The following TMEM120B variants were observed in gnomAD, a reference collection of about 807,000 sequenced individuals.
TMEM120B encodes transmembrane protein 120B.
Under a neutral mutation model 55.5 loss-of-function variants are expected in TMEM120B, and 31 were observed. The observed-to-expected ratio is 0.56, with a 90% CI of 0.42 to 0.75. The LOEUF is 0.75. Ranked by LOEUF, TMEM120B falls within the 30% of genes least tolerant of loss-of-function variation. The pLI, the probability that TMEM120B is intolerant of heterozygous loss-of-function variation, is 0.00. For missense variants in TMEM120B, 399 were observed against 425.5 expected (o/e 0.94, Z 0.55); for synonymous variants, 203 against 176.3 (o/e 1.15, Z -1.20).
At chr12:121,771,622 C>A in intron 8 of TMEM120B, 73 bp downstream of exon 8, 1 of 1,440,214 alleles carries the variant, frequency 6.9e-7, no homozygotes, top group Non-Finnish European at 9.8e-7. Flanking sequence ...AGGGCCCCAG[C>A]TGACATCAAT....
In TMEM120B at chr12:121,758,691, G is replaced by A. The variant is rs540802779; in HGVS notation, c.462-2958G>A. ...ATGGAGGAGGATGGCCTAGCTCCAC[G>A]CTGTGGTCACCATGGAGGAGGACGG... is the stretch of plus-strand genomic sequence containing the variant. On this transcript the variant is annotated intron_variant, in intron 5 of 11. Transcript: ENST00000449592. 833 of 979,716 alleles carry A rather than the reference G, an allele frequency of 8.5e-4. 5 individuals carry two copies. In the African/African-American group the frequency reaches 0.013, roughly 15 times the overall value. The allele number at this position is 979,716 out of a possible 1,614,324, so 60.7% of individuals were successfully genotyped here. A position where few individuals can be genotyped will look rare whatever the true frequency, so the allele number is the denominator to read the frequency against.
chr12:121,720,875 G>A (rs185619253), intron 1 of TMEM120B, among the ~76,000 whole-genome samples: 21 of 152,290 alleles, frequency 1.4e-4, no homozygotes, highest in Admixed American at 4.6e-4. Context: ...AATGCCGTGA[G>A]ATTCCTCTAG....
At chr12:121,760,832 C>A (rs1466899312) in intron 5 of TMEM120B, among the ~76,000 whole-genome samples, 1 of 152,170 alleles carries the variant, frequency 6.6e-6, no homozygotes, top group African/African-American at 2.4e-5. Context: ...GCTACCTACT[C>A]TAACTCTCTA....
rs781188748 is a variant in TMEM120B at position 121,748,306 on chromosome 12, G to T, written c.189-20G>T. 1 of 1,590,542 alleles carries T rather than the reference G, an allele frequency of 6.3e-7. No individual in the cohort carries two copies. Among genetic ancestry groups the T allele is most frequent in the African/African-American group, 1.3e-5 (1 of 74,596 alleles). ...CTCTGAGTGACGCCCCTTCCCCTGT[G>T]CCTGCATCTCTGTCCGCAGGTGCAA... On this transcript the variant is annotated intron_variant, in intron 2 of 11. Transcript: ENST00000449592.
Position 121,752,165 on chromosome 12 carries a change from T to C in TMEM120B, c.403T>C (p.Tyr135His). The change falls in exon 5 of 12, where the codon TAC (tyrosine) becomes CAC (histidine). Residue 135 changes from tyrosine (Y) to histidine (H), a missense_variant. Physicochemically the swap from Tyr to His is moderately conservative, Grantham distance 83. Around this residue, in one of 3 missense-constraint regions of TMEM120B, gnomAD observed 260 missense variants for 303.9 expected, o/e 0.86. Transcript: ENST00000449592. ...GGACGAATATGAGAAGTTCAAGCTC[T>C]ACCTGACCATCATCCTGCTCCTGGG... is the stretch of plus-strand genomic sequence containing the variant. ...YKDEYEKFKLYLTIILLLGAV... is the reference protein window; with the variant it reads ...YKDEYEKFKLHLTIILLLGAV... The C allele has an allele frequency of 6.2e-7, 1 of 1,613,744 alleles. No individual in the cohort carries two copies. The highest frequency in any genetic ancestry group is 8.5e-7 in the Non-Finnish European group (1 of 1,179,932).
intron 1 of TMEM120B, among the ~76,000 whole-genome samples, chr12:121,736,981 T>C (rs934351942): frequency 1.3e-5 from 2 of 152,184 alleles, no homozygotes; most frequent in African/African-American, 4.8e-5. Context: ...TGCCTCAGGA[T>C]AGCTGGACTT....
Position 121,750,366 on chromosome 12 carries a change from G to T in TMEM120B, c.306-14G>T, listed in dbSNP as rs750307723. On this transcript the variant is annotated splice_polypyrimidine_tract_variant and intron_variant, in intron 3 of 11. Transcript: ENST00000449592. ...CTGCTAAGGATCATGCCCCTCACAG[G>T]TGTTTCCTTCCAGGCTCTACTTGAA... 1.2e-5 allele frequency: 19 copies of T among 1,611,956 alleles called. No homozygotes were observed. The highest frequency in any genetic ancestry group is 1.6e-5 in the Non-Finnish European group (19 of 1,178,804).
chr12:121,734,073 G>A (rs1016201676), intron 1 of TMEM120B, among the ~76,000 whole-genome samples: 1 of 152,088 alleles, frequency 6.6e-6, no homozygotes, highest in Non-Finnish European at 1.5e-5. Flanking sequence ...GGTGAGTGGT[G>A]TTTTTTATCT....
chr12:121,733,125 G>A (rs1895035744), intron 1 of TMEM120B, among the ~76,000 whole-genome samples: 1 of 152,132 alleles, frequency 6.6e-6, no homozygotes, highest in Admixed American at 6.6e-5. Flanking sequence ...TGCATTGTTG[G>A]TTATAGTCAG....
rs529809900 is a variant in TMEM120B at position 121,777,657 on chromosome 12, A to G, written c.*1935A>G. The G allele has an allele frequency of 6.6e-6, 1 of 152,370 alleles. No homozygotes were observed. Among genetic ancestry groups the G allele is most frequent in the South Asian group, 2.1e-4 (1 of 4,830 alleles). 9.4% of individuals were successfully genotyped at this position (152,370 alleles called of 1,614,324 possible). On this transcript the variant is annotated 3_prime_UTR_variant, in exon 12 of 12. Transcript: ENST00000449592. ...CAGCTAGCTGTCTGTAAAGGGCCAG[A>G]TGGCAACTATTTTGAGCTTTATGGG...
At chr12:121,753,588 A>G (rs1303872441) in intron 5 of TMEM120B, among the ~76,000 whole-genome samples, 1 of 152,172 alleles carries the variant, frequency 6.6e-6, no homozygotes, top group African/African-American at 2.4e-5. Flanking sequence ...AACAAAAAAA[A>G]AAAGAATGTT....
intron 1 of TMEM120B, among the ~76,000 whole-genome samples, chr12:121,741,474 C>T (rs1234818084): frequency 6.6e-6 from 1 of 152,140 alleles, no homozygotes; most frequent in Non-Finnish European, 1.5e-5. Context: ...GGATTACAGG[C>T]ATGTGCCATC....
chr12:121,766,872 G>A (rs1394756366), intron 6 of TMEM120B, among the ~76,000 whole-genome samples: 1 of 152,166 alleles, frequency 6.6e-6, no homozygotes, highest in Non-Finnish European at 1.5e-5. Flanking sequence ...GCCAGCCTAG[G>A]GTGCCTGCCT....
chr12:121,750,977 A>ACCCACAC (rs142874398), intron 4 of TMEM120B, among the ~76,000 whole-genome samples: 1,470 of 6,496 alleles, frequency 0.23, 358 homozygotes, highest in East Asian at 0.31. Context: ...CACACCCCAC[A>ACCCACAC]CCCACACCCC....
chr12:121,775,330 T>TG lies in TMEM120B; in HGVS notation c.906+206dup. 1 of 771,210 alleles carries TG rather than the reference T, an allele frequency of 1.3e-6. No individual in the cohort carries two copies. The highest frequency in any genetic ancestry group is 1.6e-6 in the Non-Finnish European group (1 of 638,326). The allele number at this position is 771,210 out of a possible 1,614,324, so 47.8% of individuals were successfully genotyped here. On this transcript the variant is annotated intron_variant, in intron 11 of 11. Coordinates refer to ENST00000449592, the MANE Select transcript of TMEM120B (RefSeq NM_001080825.2). This position sits in a 1 kb window ranked among gnomAD's most constrained non-coding sequence, Gnocchi z 4.3. Reference sequence around the variant, plus strand: ...CTGGGCTGGCAGGTGTGGGGTGTTGTGGGGGGCCTGCTTGGCGGGAGGCTT... The same window carrying TG: ...CTGGGCTGGCAGGTGTGGGGTGTTGTGGGGGGGCCTGCTTGGCGGGAGGCTT...
intron 3 of TMEM120B, among the ~76,000 whole-genome samples, chr12:121,750,009 G>GATAATA (rs1026510047): frequency 2.6e-5 from 4 of 151,078 alleles, no homozygotes; most frequent in African/African-American, 9.7e-5. Context: ...TAATAACAAT[G>GATAATA]ATAATAATAA....
At chr12:121,720,567 C>T (rs1025590327) in intron 1 of TMEM120B, among the ~76,000 whole-genome samples, 2 of 152,058 alleles carry the variant, frequency 1.3e-5, no homozygotes, top group East Asian at 3.9e-4. Context: ...AAAAATTAGC[C>T]AGGCATGGTG....
chr12:121,771,597 G>A (rs779575285), intron 8 of TMEM120B, 48 bp downstream of exon 8: 9 of 1,574,038 alleles, frequency 5.7e-6, no homozygotes, highest in Non-Finnish European at 7.0e-6. Flanking sequence ...GGTTTTCTGA[G>A]ACTTTCACCA....
Position 121,775,162 on chromosome 12 carries a change from T to A in TMEM120B, c.906+32T>A. ...GGGGTGGGGGCATGCTCGGGGGAGG[T>A]TCCCGGGAGGGCTGGGGTGGCAGGG... On this transcript the variant is annotated intron_variant, in intron 11 of 11. Transcript: ENST00000449592. This position sits in a 1 kb window ranked among gnomAD's most constrained non-coding sequence, Gnocchi z 4.3. 1 of 901,746 alleles carries A rather than the reference T, an allele frequency of 1.1e-6. No homozygotes were observed. Among genetic ancestry groups the A allele is most frequent in the South Asian group, 1.3e-5 (1 of 76,418 alleles). 55.9% of individuals were successfully genotyped at this position (901,746 alleles called of 1,614,324 possible). A position where few individuals can be genotyped will look rare whatever the true frequency, so the allele number is the denominator to read the frequency against.
Sources: gnomAD v4.1 joint callset for allele counts (sites outside exome capture counted in the v4.1 genomes callset) on GRCh38, gnomAD v4.1.1 for gene constraint, gnomAD v4.1.1 regional missense constraint, Gnocchi (gnomAD v3.1) non-coding constraint, MANE v1.5 for transcripts, NCBI Gene and HGNC (gene_info 2026-07-23, HGNC 2026-07-21) for gene names.